Variants in PTPRM observed in about 807,000 individuals in gnomAD.
PTPRM encodes receptor-type tyrosine-protein phosphatase mu.
Under a neutral mutation model 186.7 loss-of-function variants are expected in PTPRM, and 47 were observed. That is an observed-to-expected ratio of 0.25 (90% CI 0.20 to 0.32). PTPRM has a LOEUF of 0.32. PTPRM is among the 10% of genes least tolerant of loss of function. The pLI, the probability that PTPRM is intolerant of heterozygous loss-of-function variation, is 1.00. For missense variants in PTPRM, 1,494 were observed against 1,865.0 expected, an observed-to-expected ratio of 0.80 and a Z score of 3.66; for synonymous variants, 668 against 674.9, an observed-to-expected ratio of 0.99 and a Z score of 0.16.
chr18:8,021,601 T>C (rs1179501685), intron 7 of PTPRM, among the ~76,000 whole-genome samples: 1 of 152,134 alleles, frequency 6.6e-6, no homozygotes, highest in Non-Finnish European at 1.5e-5. Flanking sequence ...CTCCCACTTA[T>C]GAGTTTGAAC....
chr18:8,019,224 C>T (rs977951246), intron 7 of PTPRM, among the ~76,000 whole-genome samples: 1 of 152,142 alleles, frequency 6.6e-6, no homozygotes, highest in Non-Finnish European at 1.5e-5. Context: ...GACTTTGTCA[C>T]TCATTATTTG....
intron 19 of PTPRM, among the ~76,000 whole-genome samples, chr18:8,289,831 TA>T (rs1179478872): frequency 6.6e-6 from 1 of 152,046 alleles, no homozygotes; most frequent in African/African-American, 2.4e-5. Flanking sequence ...GCAGCTTCTT[TA>T]AAAGATCAGT....
intron 14 of PTPRM, among the ~76,000 whole-genome samples, chr18:8,219,402 G>C (rs2094128478): frequency 6.6e-6 from 1 of 152,032 alleles, no homozygotes; most frequent in Non-Finnish European, 1.5e-5. Flanking sequence ...AGGAGGCAGA[G>C]GTTGCAGTGA....
chr18:7,594,446 C>T (rs748806916), intron 1 of PTPRM, among the ~76,000 whole-genome samples: 10 of 151,968 alleles, frequency 6.6e-5, no homozygotes, highest in Admixed American at 1.3e-4. Context: ...TGCCATTGCA[C>T]TCTAGCCCAG....
Position 8,023,831 on chromosome 18 carries a change from G to GACACACACACACACACACAC in PTPRM, c.1133-45834_1133-45815dup, listed in dbSNP as rs71354587. Among the ~76,000 whole-genome samples the GACACACACACACACACACAC allele has an allele frequency of 3.4e-3, 378 of 110,264 alleles. 3 individuals are homozygous for GACACACACACACACACACAC. Among genetic ancestry groups the GACACACACACACACACACAC allele is most frequent in the African/African-American group, 0.011 (362 of 32,458 alleles). 72.3% of individuals were successfully genotyped at this position (110,264 alleles called of 152,430 possible). ...CAATTTAAATGGTAAATTATCAGAAGACACACACACACACACACACACACA... is the reference window on the plus strand; with the variant it reads ...CAATTTAAATGGTAAATTATCAGAAGACACACACACACACACACACACACACACACACACACACACACACA... On this transcript the variant is annotated intron_variant, in intron 7 of 32. Transcript: ENST00000580170.
chr18:7,921,900 A>G (rs574676228), intron 4 of PTPRM, among the ~76,000 whole-genome samples: 49 of 152,276 alleles, frequency 3.2e-4, no homozygotes, highest in African/African-American at 1.1e-3. Context: ...GTCCATTTGT[A>G]GAAGCTGTGG....
intron 2 of PTPRM, among the ~76,000 whole-genome samples, chr18:7,866,193 C>T (rs550354475): frequency 1.3e-5 from 2 of 152,144 alleles, no homozygotes; most frequent in Non-Finnish European, 2.9e-5. Context: ...TTTTTCAGTT[C>T]TGCTCTGATC....
At chr18:8,038,650 T>G (rs1189478555) in intron 7 of PTPRM, among the ~76,000 whole-genome samples, 2 of 152,156 alleles carry the variant, frequency 1.3e-5, no homozygotes, top group African/African-American at 4.8e-5. Context: ...CCTCGGACTT[T>G]CAAAGTGCTG....
At chr18:8,029,412 C>A (rs1315687390) in intron 7 of PTPRM, among the ~76,000 whole-genome samples, 1 of 151,282 alleles carries the variant, frequency 6.6e-6, no homozygotes, top group African/African-American at 2.4e-5. Context: ...CCCTCCCCCA[C>A]CTGTCCTACC....
intron 19 of PTPRM, among the ~76,000 whole-genome samples, chr18:8,290,860 T>A (rs778415897): frequency 6.6e-6 from 1 of 152,188 alleles, no homozygotes; most frequent in Non-Finnish European, 1.5e-5. Flanking sequence ...AGTGAGACCA[T>A]TAACTTAAAT....
chr18:8,113,796 G>T, intron 12 of PTPRM, 37 bp downstream of exon 12: 1 of 1,561,112 alleles, frequency 6.4e-7, no homozygotes, highest in Non-Finnish European at 8.7e-7. Flanking sequence ...TAGGCTATTT[G>T]GGGTTGTTAA....
chr18:7,785,262 A>G (rs899054346), intron 2 of PTPRM, among the ~76,000 whole-genome samples: 8 of 152,214 alleles, frequency 5.3e-5, no homozygotes, highest in Non-Finnish European at 1.2e-4. Flanking sequence ...AGGAAAATTC[A>G]AAATTTCTGA....
intron 7 of PTPRM, among the ~76,000 whole-genome samples, chr18:8,033,216 G>A (rs1271277442): frequency 1.3e-5 from 2 of 152,008 alleles, no homozygotes; most frequent in Non-Finnish European, 2.9e-5. Context: ...CTGGGCAAAG[G>A]ATTATAACAG....
chr18:8,090,439 G>T (rs886363284), intron 11 of PTPRM, among the ~76,000 whole-genome samples: 3 of 152,116 alleles, frequency 2.0e-5, no homozygotes, highest in Non-Finnish European at 2.9e-5. Context: ...GAAGCTGAAA[G>T]CTTAATCATT....
chr18:8,304,042 T>C (rs2095191708), intron 20 of PTPRM, among the ~76,000 whole-genome samples: 1 of 152,022 alleles, frequency 6.6e-6, no homozygotes, highest in Non-Finnish European at 1.5e-5. Flanking sequence ...ACCTTGATAA[T>C]TGTGATTCCA....
intron 14 of PTPRM, among the ~76,000 whole-genome samples, chr18:8,161,804 A>C (rs25417): frequency 0.13 from 20,390 of 152,154 alleles, 1,529 homozygotes; most frequent in Middle Eastern, 0.22. Context: ...TGATGCATGC[A>C]AATGGCACCA....
intron 23 of PTPRM, among the ~76,000 whole-genome samples, chr18:8,366,056 A>G (rs1216751666): frequency 1.3e-5 from 2 of 152,206 alleles, no homozygotes; most frequent in East Asian, 1.9e-4. Context: ...TAATTAGAGT[A>G]TGGCCTGGGC....
At chr18:8,289,452 G>GTA (rs1601650431) in intron 19 of PTPRM, among the ~76,000 whole-genome samples, 1 of 99,380 alleles carries the variant, frequency 1.0e-5, no homozygotes, top group Non-Finnish European at 1.9e-5. Flanking sequence ...ACGTATATAT[G>GTA]TATATACATA....
intron 14 of PTPRM, among the ~76,000 whole-genome samples, chr18:8,218,615 G>A (rs2094117433): frequency 6.6e-6 from 1 of 152,198 alleles, no homozygotes; most frequent in Non-Finnish European, 1.5e-5. Flanking sequence ...CCATGGGAGA[G>A]GGTCAGTGTA....
Sources: allele counts gnomAD v4.1 joint callset (sites outside exome capture counted in the v4.1 genomes callset), GRCh38; gene constraint gnomAD v4.1.1; transcripts MANE v1.5; gene names NCBI Gene and HGNC (gene_info 2026-07-23, HGNC 2026-07-21).